MYO18B: variants seen among roughly 807,000 people sequenced by gnomAD.
MYO18B encodes the protein unconventional myosin-XVIIIb.
A neutral mutation model predicts 273.0 loss-of-function variants in MYO18B; 204 were observed. The observed-to-expected ratio is 0.75, with a 90% CI of 0.67 to 0.84. The LOEUF (loss-of-function observed/expected upper bound fraction) is 0.84. Among genes scored for constraint, MYO18B ranks in the 40% least tolerant of loss-of-function variants. The pLI, the probability that MYO18B is intolerant of heterozygous loss-of-function variation, is 0.00. For synonymous variants in MYO18B, 1,330 were observed against 1,305.7 expected (o/e 1.02, Z -0.40); for missense variants, 3,212 against 3,287.6 (o/e 0.98, Z 0.56).
At chr22:25,823,979 G>T (rs936788865) in intron 13 of MYO18B, among the ~76,000 whole-genome samples, 5 of 152,158 alleles carry the variant, frequency 3.3e-5, no homozygotes, top group Non-Finnish European at 7.3e-5. Context: ...CGGATTTCGT[G>T]TTTGTTGAGC....
chr22:25,794,386 T>G (rs4592957), intron 11 of MYO18B, among the ~76,000 whole-genome samples: 156 of 151,708 alleles, frequency 1.0e-3, no homozygotes, highest in African/African-American at 3.5e-3. Flanking sequence ...TTTAATTTTA[T>G]TGTAGAGACA....
chr22:25,936,467 A>G (rs922392049), intron 34 of MYO18B, among the ~76,000 whole-genome samples: 22 of 152,192 alleles, frequency 1.4e-4, no homozygotes, highest in Non-Finnish European at 2.9e-4. Flanking sequence ...GTGGACTTAA[A>G]AGAGACCTCG....
rs775448399 is a variant in MYO18B at position 26,027,592 on chromosome 22, C to T, written c.7618C>T (p.Arg2540Ter). ...ACGACTTGCGGGTGACGGTGGCGAG[C>T]GAACGTCCCCCGAGCGGAGAGAGCC... ...IPRLAGDGGE[R>*]TSPERREPGT... Residue 2540 changes from arginine (R) to a stop codon, truncating the protein, a stop_gained, in exon 43 of 44, where the codon CGA becomes TGA. Coordinates refer to ENST00000335473, the MANE Select transcript of MYO18B (RefSeq NM_032608.7). LOFTEE classifies it low-confidence loss of function (END_TRUNC). The surrounding 1 kb of genome is among the most constrained non-coding windows in gnomAD (Gnocchi z 4.1). The T allele has an allele frequency of 3.7e-6, 6 of 1,613,856 alleles. No homozygotes were observed. The highest frequency in any genetic ancestry group is 1.1e-5 in the South Asian group (1 of 91,056).
chr22:25,753,914 C>T (rs959209376), intron 1 of MYO18B, among the ~76,000 whole-genome samples: 5 of 152,200 alleles, frequency 3.3e-5, no homozygotes, highest in Admixed American at 2.0e-4. Context: ...ACCAAGAACC[C>T]GCCAATTCCA....
Position 25,921,358 on chromosome 22 carries a change from G to A in MYO18B, c.5466G>A (p.Glu1822=), listed in dbSNP as rs1401384909. Residue 1822 remains glutamate, a synonymous_variant, in exon 34 of 44, where the codon GAG becomes GAA. Transcript: ENST00000335473. The part of the protein sequence containing the change: ...SDVQLLLGTM[E]DGKTSVSKEE... ...TGCAGCTCCTTCTGGGCACCATGGA[G>A]GATGGCAAGACATCAGTCAGCAAGG... The A allele has an allele frequency of 1.3e-6, 2 of 1,596,182 alleles. No individual in the cohort carries two copies. Among genetic ancestry groups the A allele is most frequent in the East Asian group, 2.3e-5 (1 of 44,092 alleles).
At chr22:25,937,582 A>ATCCTT (rs1569211217) in intron 34 of MYO18B, among the ~76,000 whole-genome samples, 4 of 144,300 alleles carry the variant, frequency 2.8e-5, no homozygotes, top group Non-Finnish European at 3.0e-5. Flanking sequence ...CTGGCCTGAC[A>ATCCTT]TTCTTTTTTT....
intron 28 of MYO18B, chr22:25,898,047 G>A: frequency 2.4e-6 from 1 of 416,552 alleles, no homozygotes; most frequent in East Asian, 4.4e-5. Context: ...TGCATTGGCT[G>A]GAGGTTTATT....
At chr22:25,987,194 G>T (rs2093211164) in intron 39 of MYO18B, among the ~76,000 whole-genome samples, 1 of 152,206 alleles carries the variant, frequency 6.6e-6, no homozygotes, top group South Asian at 2.1e-4. Flanking sequence ...GTCCTCTGAA[G>T]ATTGAGATGC....
chr22:25,919,017 G>C (rs2092302165), intron 33 of MYO18B, among the ~76,000 whole-genome samples: 1 of 152,086 alleles, frequency 6.6e-6, no homozygotes, highest in Non-Finnish European at 1.5e-5. Context: ...TAAGAGCCCT[G>C]GATAACCTCT....
intron 34 of MYO18B, among the ~76,000 whole-genome samples, chr22:25,936,158 T>C (rs1160576531): frequency 6.6e-6 from 1 of 152,184 alleles, no homozygotes; most frequent in East Asian, 1.9e-4. Context: ...AAGAGGGATG[T>C]AAATGAGACG....
At chr22:25,786,192 T>G (rs2087379986) in intron 11 of MYO18B, among the ~76,000 whole-genome samples, 1 of 152,176 alleles carries the variant, frequency 6.6e-6, no homozygotes, top group South Asian at 2.1e-4. Context: ...AGGAGTATGA[T>G]CCTCATCCAT....
At chr22:25,860,887 A>ATTTT (rs695541) in intron 21 of MYO18B, among the ~76,000 whole-genome samples, 3,076 of 142,798 alleles carry the variant, frequency 0.022, 76 homozygotes, top group East Asian at 0.12. Flanking sequence ...TATCATTGCT[A>ATTTT]TTTTTTTTTT....
chr22:26,060,433 C>T, the MYO18B span, among the ~76,000 whole-genome samples: 3 of 152,222 alleles, frequency 2.0e-5, no homozygotes, highest in Non-Finnish European at 4.4e-5. Context: ...TGACCTTTTC[C>T]CTGCTCTGTT....
chr22:25,985,443 T>A (rs1011604937), intron 39 of MYO18B, among the ~76,000 whole-genome samples: 2 of 152,132 alleles, frequency 1.3e-5, no homozygotes, highest in African/African-American at 4.8e-5. Flanking sequence ...AAGGACCCTG[T>A]AGAATGATGA....
At chr22:26,059,738 C>T in the MYO18B span, among the ~76,000 whole-genome samples, 1 of 152,208 alleles carries the variant, frequency 6.6e-6, no homozygotes, top group East Asian at 1.9e-4. Context: ...ACAGAATTAG[C>T]CTCTGCAATG....
Position 25,868,367 on chromosome 22 carries a change from G to T in MYO18B, c.3933G>T (p.Val1311=), listed in dbSNP as rs1340650553. 6.2e-7 allele frequency: 1 copy of T among 1,600,880 alleles called. No individual in the cohort carries two copies. The highest frequency in any genetic ancestry group is 2.2e-5 in the East Asian group (1 of 44,498). ...CCCTGGATCTGGAAAAGAAGGCGGT[G>T]GCTGTGGGGCACAGCCAAGTGAGTA... ...LETLDLEKKA[V]AVGHSQVFLK... The change falls in exon 22 of 44, where the codon GTG becomes GTT. Residue 1311 remains valine, a synonymous_variant. Transcript: ENST00000335473.
intron 12 of MYO18B, among the ~76,000 whole-genome samples, chr22:25,801,474 A>G (rs1444092572): frequency 6.6e-6 from 1 of 152,190 alleles, no homozygotes; most frequent in Non-Finnish European, 1.5e-5. Context: ...CTTCCTCTGT[A>G]AAATGGGGCT....
chr22:26,022,633 G>A (rs199618483), intron 42 of MYO18B, among the ~76,000 whole-genome samples: 2 of 151,954 alleles, frequency 1.3e-5, no homozygotes, highest in East Asian at 3.9e-4. Context: ...CTCCTCTCCA[G>A]CCCCCTAGGA....
intron 41 of MYO18B, 130 bp from the exon 42 acceptor site, chr22:26,004,588 G>A: frequency 9.2e-7 from 1 of 1,088,510 alleles, no homozygotes; most frequent in East Asian, 2.8e-5. Flanking sequence ...CTACCTCTCT[G>A]GGATGGCGAG....
Sources: allele counts gnomAD v4.1 joint callset (sites outside exome capture counted in the v4.1 genomes callset), GRCh38; gene constraint gnomAD v4.1.1; non-coding constraint Gnocchi (gnomAD v3.1); transcripts MANE v1.5; gene names NCBI Gene and HGNC (gene_info 2026-07-23, HGNC 2026-07-21).